NCAM1: variants seen among roughly 807,000 people sequenced by gnomAD.
NCAM1 encodes the protein antigen recognized by monoclonal antibody 5.1H11.
NCAM1 carries 14 observed loss-of-function variants against 109.8 expected under a neutral mutation model. The ratio of observed to expected loss-of-function variants is 0.13; its 90% CI spans 0.08 to 0.20. The LOEUF (loss-of-function observed/expected upper bound fraction) is 0.20. Ranked by LOEUF, NCAM1 falls within the 10% of genes least tolerant of loss-of-function variation. NCAM1 has a pLI of 1.00. For missense variants in NCAM1, 774 were observed against 1,109.9 expected, an observed-to-expected ratio of 0.70 and a Z score of 4.30; for synonymous variants, 418 against 442.9, an observed-to-expected ratio of 0.94 and a Z score of 0.70.
intron 19 of NCAM1, among the ~76,000 whole-genome samples, chr11:113,272,163 C>T (rs1175479708): frequency 5.9e-5 from 9 of 152,144 alleles, no homozygotes; most frequent in African/African-American, 2.2e-4. Flanking sequence ...CTGGAAATGG[C>T]TTAAGGTGGC....
chr11:113,181,770 A>G (rs1218739080), intron 1 of NCAM1, among the ~76,000 whole-genome samples: 1 of 152,220 alleles, frequency 6.6e-6, no homozygotes, highest in East Asian at 1.9e-4. Flanking sequence ...ACTGGACCTC[A>G]GAAGCAACCA....
At chr11:113,126,944 A>T (rs1038287373) in intron 1 of NCAM1, among the ~76,000 whole-genome samples, 37 of 152,364 alleles carry the variant, frequency 2.4e-4, no homozygotes, top group African/African-American at 8.9e-4. Flanking sequence ...TGCAAGGGAC[A>T]TGTCCAGGTT....
chr11:113,177,167 T>C (rs1943180233), intron 1 of NCAM1, among the ~76,000 whole-genome samples: 1 of 152,170 alleles, frequency 6.6e-6, no homozygotes, highest in Non-Finnish European at 1.5e-5. Context: ...TATTTTAACA[T>C]ACCCCTGGTT....
At chr11:113,076,311 C>T (rs574939134) in intron 1 of NCAM1, among the ~76,000 whole-genome samples, 96 of 152,318 alleles carry the variant, frequency 6.3e-4, no homozygotes, top group African/African-American at 2.2e-3. Flanking sequence ...CAAACACACT[C>T]GCATTTGTCC....
intron 7 of NCAM1, among the ~76,000 whole-genome samples, chr11:113,208,672 C>G (rs1490913799): frequency 6.6e-6 from 1 of 152,134 alleles, no homozygotes; most frequent in Non-Finnish European, 1.5e-5. Flanking sequence ...CCACTCATCT[C>G]TCTCTCGTGA....
intron 1 of NCAM1, among the ~76,000 whole-genome samples, chr11:113,090,321 G>T (rs1032105801): frequency 7.2e-5 from 11 of 152,256 alleles, no homozygotes; most frequent in Admixed American, 4.6e-4. Flanking sequence ...ATGGGATCAA[G>T]ACAAATACAT....
At chr11:113,118,267 G>A (rs1555095281) in intron 1 of NCAM1, among the ~76,000 whole-genome samples, 1 of 151,870 alleles carries the variant, frequency 6.6e-6, no homozygotes, top group Non-Finnish European at 1.5e-5. Context: ...TTCTTCAGCT[G>A]TGTCTGTCTT....
intron 1 of NCAM1, among the ~76,000 whole-genome samples, chr11:113,001,113 A>G (rs1279700392): frequency 6.6e-6 from 1 of 152,070 alleles, no homozygotes; most frequent in African/African-American, 2.4e-5. Flanking sequence ...GCCATTTTCT[A>G]TGTGTGACCT....
chr11:113,008,174 C>T (rs1286352814), intron 1 of NCAM1, among the ~76,000 whole-genome samples: 1 of 152,122 alleles, frequency 6.6e-6, no homozygotes, highest in African/African-American at 2.4e-5. Flanking sequence ...ATGGCCTCAT[C>T]TCATGGATTA....
In NCAM1 at chr11:112,976,812, C is replaced by T. The variant is rs146828829; in HGVS notation, c.52+15148C>T. On this transcript the variant is annotated intron_variant, in intron 1 of 19. Transcript: ENST00000316851. ...TGTGGTAAGTCTTATCCATATCTAA[C>T]ATTTTATCTTAAAACTATATCTGTA... Among the ~76,000 whole-genome samples, 12 of 151,962 alleles carry T rather than the reference C, an allele frequency of 7.9e-5. No homozygotes were observed. In the East Asian group the frequency reaches 2.3e-3, roughly 29 times the overall value.
intron 1 of NCAM1, among the ~76,000 whole-genome samples, chr11:113,136,377 C>T (rs1026439114): frequency 9.2e-5 from 14 of 151,894 alleles, no homozygotes; most frequent in African/African-American, 1.5e-4. Flanking sequence ...GTGGGGTGGG[C>T]GAGAGGCAGT....
intron 1 of NCAM1, among the ~76,000 whole-genome samples, chr11:113,108,359 T>G (rs1940266894): frequency 6.6e-6 from 1 of 152,196 alleles, no homozygotes. Context: ...TTTTAAATTT[T>G]TGAAACTTTG....
rs1944264566 is a variant in NCAM1 at position 113,207,244 on chromosome 11, AC to A, written c.629-14del. ...CAAATTTTCACAACCACCCCATGAC[AC>A]CCTTTTTTCCTTCAGTGCCACCTAC... On this transcript the variant is annotated splice_polypyrimidine_tract_variant and intron_variant, in intron 5 of 19. Coordinates refer to ENST00000316851, the MANE Select transcript of NCAM1 (RefSeq NM_181351.5). 13 of 1,607,580 alleles carry A rather than the reference AC, an allele frequency of 8.1e-6. No homozygotes were observed. The highest frequency in any genetic ancestry group is 5.1e-6 in the Non-Finnish European group (6 of 1,174,356).
chr11:113,156,086 A>G (rs781900466), intron 1 of NCAM1, among the ~76,000 whole-genome samples: 1 of 152,164 alleles, frequency 6.6e-6, no homozygotes, highest in Non-Finnish European at 1.5e-5. Context: ...GAGAATAGAG[A>G]TGGATGTGGA....
intron 1 of NCAM1, among the ~76,000 whole-genome samples, chr11:113,075,912 A>T (rs547153079): frequency 1.3e-5 from 2 of 152,330 alleles, no homozygotes; most frequent in East Asian, 1.9e-4. Flanking sequence ...CTGTGCTTAC[A>T]GCTGTTTTTT....
chr11:112,996,476 CTG>C (rs1455715851), intron 1 of NCAM1, among the ~76,000 whole-genome samples: 2 of 152,132 alleles, frequency 1.3e-5, no homozygotes, highest in African/African-American at 4.8e-5. Context: ...TAACCTTTCA[CTG>C]TTATAAATTG....
chr11:113,231,553 C>A (rs530014046), intron 9 of NCAM1, 92 bp from the exon 10 acceptor site: 6 of 1,286,156 alleles, frequency 4.7e-6, no homozygotes, highest in Non-Finnish European at 6.5e-6. Context: ...CAAGTGATGG[C>A]CTAGTCTCCC....
intron 1 of NCAM1, among the ~76,000 whole-genome samples, chr11:113,109,100 C>T (rs569976878): frequency 6.6e-6 from 1 of 151,036 alleles, no homozygotes; most frequent in South Asian, 2.1e-4. Context: ...GTAATCCCAG[C>T]ACTTTGGGAG....
chr11:113,083,051 T>TG (rs1232319111), intron 1 of NCAM1, among the ~76,000 whole-genome samples: 3 of 150,872 alleles, frequency 2.0e-5, no homozygotes, highest in Non-Finnish European at 4.4e-5. Flanking sequence ...TGAATGTTGT[T>TG]TTTTTTTTTC....
Sources: gnomAD v4.1 joint callset for allele counts (sites outside exome capture counted in the v4.1 genomes callset) on GRCh38, gnomAD v4.1.1 for gene constraint, MANE v1.5 for transcripts, NCBI Gene and HGNC (gene_info 2026-07-23, HGNC 2026-07-21) for gene names.